Variants in SHANK2 observed in about 807,000 individuals in gnomAD.
SHANK2 encodes the protein SH3 and multiple ankyrin repeat domains protein 2.
A neutral mutation model predicts 133.7 loss-of-function variants in SHANK2; 43 were observed. The ratio of observed to expected loss-of-function variants is 0.32; its 90% CI spans 0.25 to 0.41. The LOEUF (loss-of-function observed/expected upper bound fraction) is 0.41. SHANK2 is among the 10% of genes least tolerant of loss of function. SHANK2 has a pLI of 1.00. For missense variants in SHANK2, 1,994 were observed against 2,235.8 expected, an observed-to-expected ratio of 0.89 and a Z score of 2.18; for synonymous variants, 1,017 against 952.8, an observed-to-expected ratio of 1.07 and a Z score of -1.24.
intron 14 of SHANK2, among the ~76,000 whole-genome samples, chr11:70,793,301 T>C (rs572156382): frequency 5.3e-5 from 8 of 152,284 alleles, no homozygotes; most frequent in African/African-American, 1.4e-4. Flanking sequence ...ACAGGTTCCA[T>C]GGAGATGACT....
chr11:70,720,562 C>A (rs1435671602), intron 14 of SHANK2, among the ~76,000 whole-genome samples: 1 of 152,232 alleles, frequency 6.6e-6, no homozygotes, highest in Non-Finnish European at 1.5e-5. Flanking sequence ...ATCCGTCACA[C>A]CCCCATGGCA....
intron 14 of SHANK2, among the ~76,000 whole-genome samples, chr11:70,733,056 G>A (rs1262522706): frequency 2.0e-5 from 3 of 152,246 alleles, no homozygotes; most frequent in African/African-American, 7.2e-5. Flanking sequence ...GGCGGGGTGG[G>A]AGAGACAGAC....
intron 3 of SHANK2, among the ~76,000 whole-genome samples, chr11:71,127,817 T>C (rs1215463140): frequency 6.6e-6 from 1 of 152,246 alleles, no homozygotes; most frequent in Non-Finnish European, 1.5e-5. Context: ...CTCTAAGATA[T>C]GCCTGTTATG....
At chr11:70,577,013 G>A (rs185984064) in intron 17 of SHANK2, among the ~76,000 whole-genome samples, 84 of 152,292 alleles carry the variant, frequency 5.5e-4, no homozygotes, top group Middle Eastern at 6.8e-3. Context: ...CCAGGAGAGC[G>A]CCCGTCCTGC....
intron 11 of SHANK2, among the ~76,000 whole-genome samples, chr11:70,832,834 C>T (rs1304734196): frequency 2.6e-5 from 4 of 152,304 alleles, no homozygotes; most frequent in South Asian, 2.1e-4. Flanking sequence ...TGTACTGCCC[C>T]GCCTTGCCCC....
chr11:71,223,258 C>A (rs1005725161), intron 2 of SHANK2, among the ~76,000 whole-genome samples: 1 of 152,228 alleles, frequency 6.6e-6, no homozygotes, highest in Admixed American at 6.5e-5. Context: ...ACATTCTGCT[C>A]CTGCCTGCCG....
chr11:70,795,407 C>CTTTTTTTTTTT (rs71049944), intron 14 of SHANK2, among the ~76,000 whole-genome samples: 3 of 128,454 alleles, frequency 2.3e-5, no homozygotes, highest in Non-Finnish European at 4.7e-5. Context: ...CTTTCTTTTT[C>CTTTTTTTTTTT]TTTTTTTTTT....
At chr11:70,755,866 C>T (rs1188894393) in intron 14 of SHANK2, among the ~76,000 whole-genome samples, 1 of 152,216 alleles carries the variant, frequency 6.6e-6, no homozygotes, top group Non-Finnish European at 1.5e-5. Context: ...CATCACCCTC[C>T]GATTGTTGGA....
chr11:70,905,335 C>T (rs1440064503), intron 10 of SHANK2, among the ~76,000 whole-genome samples: 1 of 152,222 alleles, frequency 6.6e-6, no homozygotes, highest in African/African-American at 2.4e-5. Context: ...CACCCGCACA[C>T]CCTTCACTGA....
chr11:70,666,576 G>A (rs1416873171), intron 15 of SHANK2, among the ~76,000 whole-genome samples: 1 of 152,188 alleles, frequency 6.6e-6, no homozygotes, highest in East Asian at 1.9e-4. Flanking sequence ...GTGAACCAGA[G>A]TCTGCCCTGA....
chr11:71,110,902 C>T (rs188491222), intron 5 of SHANK2, among the ~76,000 whole-genome samples: 11 of 152,336 alleles, frequency 7.2e-5, no homozygotes, highest in African/African-American at 1.2e-4. Flanking sequence ...TGGGAGGTGA[C>T]GAAGTCAGGA....
chr11:70,620,972 T>A (rs1419169341), intron 17 of SHANK2, among the ~76,000 whole-genome samples: 2 of 152,168 alleles, frequency 1.3e-5, no homozygotes, highest in African/African-American at 4.8e-5. Context: ...GAATAAGACA[T>A]GTGGGGTCCG....
intron 9 of SHANK2, among the ~76,000 whole-genome samples, chr11:71,058,470 G>A (rs1289741341): frequency 2.6e-5 from 4 of 152,236 alleles, no homozygotes; most frequent in African/African-American, 9.6e-5. Flanking sequence ...TAGCCGTACC[G>A]ACTATTAGAA....
chr11:70,788,871 G>A (rs1185662038), intron 14 of SHANK2, among the ~76,000 whole-genome samples: 14 of 152,322 alleles, frequency 9.2e-5, no homozygotes, highest in African/African-American at 2.4e-4. Flanking sequence ...CTCTCAGGTC[G>A]ATTTCTGGGA....
At chr11:70,614,719 G>A (rs1459724001) in intron 17 of SHANK2, among the ~76,000 whole-genome samples, 1 of 152,190 alleles carries the variant, frequency 6.6e-6, no homozygotes, top group Non-Finnish European at 1.5e-5. Context: ...ATAGGCCTTG[G>A]GTCTGTTGCT....
At chr11:70,637,608 G>A (rs1555004814) in intron 17 of SHANK2, among the ~76,000 whole-genome samples, 1 of 152,198 alleles carries the variant, frequency 6.6e-6, no homozygotes, top group African/African-American at 2.4e-5. Context: ...CCCGTGGGAG[G>A]CCGCTGCCCA....
intron 15 of SHANK2, among the ~76,000 whole-genome samples, chr11:70,678,609 C>A (rs1247422353): frequency 7.8e-6 from 1 of 128,306 alleles, no homozygotes; most frequent in Non-Finnish European, 1.5e-5. Context: ...GTGGTGTGAT[C>A]TCAGCTCACT....
intron 17 of SHANK2, among the ~76,000 whole-genome samples, chr11:70,657,062 G>T (rs1203519071): frequency 2.0e-5 from 3 of 152,206 alleles, no homozygotes; most frequent in African/African-American, 7.2e-5. Flanking sequence ...TTCAAAGGGT[G>T]CCCATTGGTC....
At chr11:70,852,103 G>A (rs143854380) in intron 11 of SHANK2, among the ~76,000 whole-genome samples, 45 of 152,300 alleles carry the variant, frequency 3.0e-4, no homozygotes, top group East Asian at 1.2e-3. Flanking sequence ...TCCCCTGGCC[G>A]CCGGGGAGGA....
Sources: gnomAD v4.1 joint callset for allele counts (sites outside exome capture counted in the v4.1 genomes callset) on GRCh38, gnomAD v4.1.1 for gene constraint, MANE v1.5 for transcripts, NCBI Gene and HGNC (gene_info 2026-07-23, HGNC 2026-07-21) for gene names.